MAP2K7: variants seen among roughly 807,000 people sequenced by gnomAD.
MAP2K7 encodes the protein dual specificity mitogen-activated protein kinase kinase 7.
Under a neutral mutation model 47.7 loss-of-function variants are expected in MAP2K7, and 12 were observed. The ratio of observed to expected loss-of-function variants is 0.25; its 90% CI spans 0.16 to 0.41. The LOEUF (loss-of-function observed/expected upper bound fraction) is 0.41, where lower values mean the gene tolerates loss of function less well. Among genes scored for constraint, MAP2K7 ranks in the 10% least tolerant of loss-of-function variants. MAP2K7 has a pLI of 1.00. For synonymous variants in MAP2K7, 299 were observed against 243.0 expected (o/e 1.23, Z -2.14); for missense variants, 415 against 600.3 (o/e 0.69, Z 3.23).
rs745419345 is a variant in MAP2K7 at position 7,912,446 on chromosome 19, C to T, written c.*15C>T. Reference sequence around the variant, plus strand: ...TCTTCAGGTAGCTGCTTGGCGGCGGCCAGCCCCACAGGGGGCCAGGGGCAT... The same window carrying T: ...TCTTCAGGTAGCTGCTTGGCGGCGGTCAGCCCCACAGGGGGCCAGGGGCAT... On this transcript the variant is annotated 3_prime_UTR_variant, in exon 11 of 11. Transcript: ENST00000397979. The T allele has an allele frequency of 5.6e-6, 9 of 1,605,288 alleles. No individual in the cohort carries two copies. The East Asian group carries it at 1.3e-4, about 24-fold the overall frequency.
chr19:7,904,195 G>A, intron 1 of MAP2K7, 127 bp downstream of exon 1: 1 of 792,748 alleles, frequency 1.3e-6, no homozygotes, highest in Non-Finnish European at 1.6e-6. Context: ...CGCCCCCCCC[G>A]CTGCGGGCTC....
At position 7,903,950 on chromosome 19, in the gene MAP2K7, G is replaced by A; in HGVS notation, c.6G>A (p.Ala2=). ...CGGCGGTGGCGGCGGGGAAGATGGC[G>A]GCGTCCTCCCTGGAACAGAAGCTGT... M[A]ASSLEQKLSR... is the part of the protein sequence containing the mutation. Residue 2 remains alanine, a synonymous_variant, in exon 1 of 11, where the codon GCG becomes GCA. Transcript: ENST00000397979. 6.5e-7 allele frequency: 1 copy of A among 1,531,972 alleles called. No individual in the cohort carries two copies. The highest frequency in any genetic ancestry group is 8.8e-7 in the Non-Finnish European group (1 of 1,140,890). The allele number at this position is 1,531,972 out of a possible 1,614,324, so 94.9% of individuals were successfully genotyped here. A position where few individuals can be genotyped will look rare whatever the true frequency, so the allele number is the denominator to read the frequency against.
intron 1 of MAP2K7, among the ~76,000 whole-genome samples, chr19:7,904,979 C>G (rs1568273794): frequency 6.6e-6 from 1 of 151,674 alleles, no homozygotes; most frequent in South Asian, 2.1e-4. Flanking sequence ...CGGTACCTAC[C>G]TCCCTGACAC....
chr19:7,903,893 GC>G lies in MAP2K7; in HGVS notation c.-50del. On this transcript the variant is annotated 5_prime_UTR_variant, in exon 1 of 11. Coordinates refer to ENST00000397979, the MANE Select transcript of MAP2K7 (RefSeq NM_145185.4). The stretch of plus-strand genomic sequence containing the variant: ...CGCAGGCGCAGTGCGGTGTTTGTCT[GC>G]CGGACTGACGGGCGGCCGGGCGGTG... 1 of 1,403,718 alleles carries G rather than the reference GC, an allele frequency of 7.1e-7. No homozygotes were observed. Among genetic ancestry groups the G allele is most frequent in the Non-Finnish European group, 9.5e-7 (1 of 1,057,026 alleles). 87.0% of individuals were successfully genotyped at this position (1,403,718 alleles called of 1,614,324 possible).
intron 5 of MAP2K7, 26 bp from the exon 6 acceptor site, chr19:7,910,670 T>C: frequency 6.2e-7 from 1 of 1,605,790 alleles, no homozygotes; most frequent in Admixed American, 1.7e-5. Context: ...AAGACACAGC[T>C]CCCCCGGGTG....
intron 1 of MAP2K7, chr19:7,904,485 G>A: frequency 2.8e-6 from 1 of 359,558 alleles, no homozygotes; most frequent in South Asian, 1.9e-5. Context: ...CGGCCTGGGG[G>A]CTTGTCAGCC....
intron 1 of MAP2K7, among the ~76,000 whole-genome samples, chr19:7,908,867 C>T (rs1259099567): frequency 1.3e-5 from 2 of 152,132 alleles, no homozygotes; most frequent in African/African-American, 4.8e-5. Flanking sequence ...CACCTGGGCC[C>T]TAGTCTTGGT....
chr19:7,908,214 G>A (rs1358661099), intron 1 of MAP2K7, among the ~76,000 whole-genome samples: 1 of 151,862 alleles, frequency 6.6e-6, no homozygotes, highest in Non-Finnish European at 1.5e-5. Flanking sequence ...AGAGGCGGCA[G>A]TGGCCAGGAC....
In MAP2K7 at chr19:7,912,540, C is replaced by T; in HGVS notation, c.*109C>T. 7.6e-7 allele frequency: 1 copy of T among 1,316,914 alleles called. No individual in the cohort carries two copies. Among genetic ancestry groups the T allele is most frequent in the Non-Finnish European group, 1.0e-6 (1 of 985,092 alleles). 81.6% of individuals were successfully genotyped at this position (1,316,914 alleles called of 1,614,324 possible). A position where few individuals can be genotyped will look rare whatever the true frequency, so the allele number is the denominator to read the frequency against. ...AGGGGAGACCTGGGACCTGGACGGC[C>T]ACCTAGGACTGAGGACAGAGAGTGG... On this transcript the variant is annotated 3_prime_UTR_variant, in exon 11 of 11. Coordinates refer to ENST00000397979, the MANE Select transcript of MAP2K7 (RefSeq NM_145185.4).
intron 1 of MAP2K7, chr19:7,905,675 C>T (rs935477731): frequency 1.2e-5 from 9 of 773,058 alleles, no homozygotes; most frequent in Non-Finnish European, 1.8e-5. Context: ...TCTGTCGGTT[C>T]CTAGCCATCT....
In MAP2K7 at chr19:7,910,248, C is replaced by T; in HGVS notation, c.334-12C>T. 1.9e-6 allele frequency: 3 copies of T among 1,612,324 alleles called. No individual in the cohort carries two copies. Among genetic ancestry groups the T allele is most frequent in the Non-Finnish European group, 2.5e-6 (3 of 1,179,446 alleles). On this transcript the variant is annotated splice_polypyrimidine_tract_variant and intron_variant, in intron 3 of 10. Coordinates refer to ENST00000397979, the MANE Select transcript of MAP2K7 (RefSeq NM_145185.4). ...GGCCCCAGGGACCCTCCAACCCTCC[C>T]TCTCCTCCCAGCGCTACCAGGCAGA...
At chr19:7,912,109 T>C in intron 9 of MAP2K7, 40 bp from the exon 10 acceptor site, 1 of 1,602,494 alleles carries the variant, frequency 6.2e-7, no homozygotes, top group African/African-American at 1.3e-5. Context: ...CATCCCCTCC[T>C]CCCTCGTTCT....
chr19:7,910,260 C>T lies in MAP2K7; in HGVS notation c.334C>T (p.Arg112Cys), dbSNP rs1982736029. Residue 112 changes from arginine to cysteine, a missense_variant and splice_region_variant, in exon 4 of 11, where the codon CGC becomes TGC. Transcript: ENST00000397979. ...CCTCCAACCCTCCCTCTCCTCCCAG[C>T]GCTACCAGGCAGAAATCAACGACCT... The part of the protein sequence containing the change: ...QTGYLTIGGQ[R>C]YQAEINDLEN... 6.2e-6 allele frequency: 10 copies of T among 1,612,792 alleles called. No homozygotes were observed. The highest frequency in any genetic ancestry group is 1.3e-5 in the African/African-American group (1 of 75,038).
At chr19:7,906,038 G>GTCCTCCCTCC in intron 1 of MAP2K7, 1 of 632,570 alleles carries the variant, frequency 1.6e-6, no homozygotes, top group Non-Finnish European at 2.8e-6. Flanking sequence ...CCTCCTCTGC[G>GTCCTCCCTCC]TCCTCCCTCC....
Position 7,909,819 on chromosome 19 carries a change from G to A in MAP2K7, c.189G>A (p.Gln63=). 1 of 1,542,228 alleles carries A rather than the reference G, an allele frequency of 6.5e-7. No individual in the cohort carries two copies. Among genetic ancestry groups the A allele is most frequent in the Non-Finnish European group, 8.7e-7 (1 of 1,145,304 alleles). ...CGCCATCCTCAGAGAGCTCCCCGCA[G>A]CACCCCACGCCCCCCGCCCGGCCCC... ...SRSPSSESSP[Q]HPTPPARPRH... Residue 63 remains glutamine, a synonymous_variant, in exon 2 of 11, where the codon CAG becomes CAA. Transcript: ENST00000397979.
rs370087443 is a variant in MAP2K7, at chr19:7,911,522, G to A, written c.1023G>A (p.Pro341=). ...CCAAAGTCCTACAGGAAGAGCCCCC[G>A]CTTCTGCCCGGACACATGGGCTTCT... ...VLTKVLQEEP[P]LLPGHMGFSG... The change falls in exon 9 of 11, where the codon CCG becomes CCA. Residue 341 remains proline, a synonymous_variant. Transcript: ENST00000397979. 188 of 1,611,886 alleles carry A rather than the reference G, an allele frequency of 1.2e-4. 1 individual carries two copies. The highest frequency in any genetic ancestry group is 9.6e-4 in the South Asian group (87 of 90,908).
At chr19:7,909,951 G>A in intron 2 of MAP2K7, 55 bp downstream of exon 2, 21 of 1,503,496 alleles carry the variant, frequency 1.4e-5, no homozygotes, top group Non-Finnish European at 1.9e-5. Flanking sequence ...GGGCCACCGT[G>A]CCAGCCCTGG....
intron 1 of MAP2K7, among the ~76,000 whole-genome samples, chr19:7,905,161 G>A (rs1386282032): frequency 6.6e-6 from 1 of 152,090 alleles, no homozygotes; most frequent in African/African-American, 2.4e-5. Flanking sequence ...GATCCTTTTT[G>A]TGTCTTTCTT....
intron 1 of MAP2K7, among the ~76,000 whole-genome samples, chr19:7,905,467 T>G (rs1982385665): frequency 6.6e-6 from 1 of 152,082 alleles, no homozygotes; most frequent in African/African-American, 2.4e-5. Context: ...AAGACACGGG[T>G]CCCTGCTAGC....
Sources: gnomAD v4.1 joint callset for allele counts (sites outside exome capture counted in the v4.1 genomes callset) on GRCh38, gnomAD v4.1.1 for gene constraint, MANE v1.5 for transcripts, NCBI Gene and HGNC (gene_info 2026-07-23, HGNC 2026-07-21) for gene names.